The following SLC2A5 variants were observed in gnomAD, a reference collection of about 807,000 sequenced individuals.
The protein encoded by SLC2A5 is solute carrier family 2, facilitated glucose transporter member 5.
In SLC2A5, 56 loss-of-function variants were observed where a neutral mutation model predicts 50.3. That is an observed-to-expected ratio of 1.11 (90% CI 0.90 to 1.39). The LOEUF is 1.39. Among genes scored for constraint, SLC2A5 ranks in the 40% most tolerant of loss-of-function variants. The pLI is 0.00. For synonymous variants in SLC2A5, 269 were observed against 281.9 expected (o/e 0.95, Z 0.46); for missense variants, 566 against 650.1 (o/e 0.87, Z 1.41).
At chr1:9,039,448 C>T (rs1463890212) in intron 8 of SLC2A5, 104 bp downstream of exon 8, 2 of 783,432 alleles carry the variant, frequency 2.6e-6, no homozygotes, top group Non-Finnish European at 4.0e-6. Context: ...GGCTGGTCCT[C>T]CACGTTTTGG....
At chr1:9,062,754 C>A (rs1023984634) in intron 1 of SLC2A5, among the ~76,000 whole-genome samples, 2 of 151,864 alleles carry the variant, frequency 1.3e-5, no homozygotes, top group Non-Finnish European at 2.9e-5. Context: ...TGCCTGTAGT[C>A]CCAGCTAGTA....
chr1:9,061,784 G>A (rs1209683584), intron 1 of SLC2A5, among the ~76,000 whole-genome samples: 1 of 152,138 alleles, frequency 6.6e-6, no homozygotes, highest in East Asian at 1.9e-4. Context: ...AACAAGCACA[G>A]CCCAGCTGGT....
upstream of SLC2A5, among the ~76,000 whole-genome samples, chr1:9,092,614 G>A (rs1054815471): frequency 1.3e-5 from 2 of 152,100 alleles, no homozygotes; most frequent in African/African-American, 4.8e-5. Context: ...ATTTCTTTTA[G>A]TTCTGGTTGA....
In SLC2A5 at chr1:9,040,255, G is replaced by C; in HGVS notation, c.572-66C>G. 6.6e-7 allele frequency: 1 copy of C among 1,512,792 alleles called. No individual in the cohort carries two copies. 93.7% of individuals were successfully genotyped at this position (1,512,792 alleles called of 1,614,324 possible). ...CCACCCCGAAGGCGCCCTCTGCAGA[G>C]CCGGCCCCAGCCCCGTCATCCTGAG... On this transcript the variant is annotated intron_variant, in intron 5 of 11. Transcript: ENST00000377424. This position sits in a 1 kb window ranked among gnomAD's most constrained non-coding sequence, Gnocchi z 4.3.
At chr1:9,090,412 G>A (rs961881415), upstream of SLC2A5, among the ~76,000 whole-genome samples, 6 of 152,174 alleles carry the variant, frequency 3.9e-5, no homozygotes, top group South Asian at 2.1e-4. Context: ...AATGGATTAC[G>A]GGGACTCAAG....
chr1:9,079,093 C>G (rs2124475900), intron 2 of SLC2A5, among the ~76,000 whole-genome samples: 1 of 152,268 alleles, frequency 6.6e-6, no homozygotes. Context: ...GGCATGCCAC[C>G]TGGCCGCCGG....
chr1:9,064,756 C>T (rs1451525176), intron 1 of SLC2A5, among the ~76,000 whole-genome samples: 3 of 152,030 alleles, frequency 2.0e-5, no homozygotes, highest in East Asian at 1.9e-4. Context: ...GCATACTCTA[C>T]AGTCAACAAT....
At chr1:9,056,521 TGGA>T (rs1356665030) in intron 3 of SLC2A5, among the ~76,000 whole-genome samples, 1 of 152,000 alleles carries the variant, frequency 6.6e-6, no homozygotes, top group Non-Finnish European at 1.5e-5. Context: ...CTTGAAATAC[TGGA>T]GGAGGAGTCA....
chr1:9,036,893 G>C lies in SLC2A5; in HGVS notation c.*693C>G, dbSNP rs1395902103. On this transcript the variant is annotated 3_prime_UTR_variant, in exon 12 of 12. Transcript: ENST00000377424. ...AACAAAAAAAACACTGCCTGAATGA[G>C]CAGGGAACTTCCTCCTGCCTTCTAC... 6.6e-6 allele frequency: 1 copy of C among 150,558 alleles called. No individual in the cohort carries two copies. The highest frequency in any genetic ancestry group is 1.5e-5 in the Non-Finnish European group (1 of 67,854). The allele number at this position is 150,558 out of a possible 1,614,324, so 9.3% of individuals were successfully genotyped here.
rs1382615259 is a variant in SLC2A5 at position 9,041,845 on chromosome 1, T to C, written c.511A>G (p.Thr171Ala). ...ATCTGGGCCACAAGGATGCCAACAG[T>C]GATGAAGAGCTGGGGCACCACCCCG... is the stretch of plus-strand genomic sequence containing the variant. ...ALGVVPQLFI[T>A]VGILVAQIFG... Residue 171 changes from threonine to alanine, a missense_variant, in exon 5 of 12, where the codon ACT (threonine) becomes GCT (alanine). Coordinates refer to ENST00000377424, the MANE Select transcript of SLC2A5 (RefSeq NM_003039.3). 1 of 1,613,788 alleles carries C rather than the reference T, an allele frequency of 6.2e-7. No individual in the cohort carries two copies. Among genetic ancestry groups the C allele is most frequent in the African/African-American group, 1.3e-5 (1 of 74,940 alleles).
chr1:9,085,353 C>T (rs1020589467), intron 1 of SLC2A5, among the ~76,000 whole-genome samples: 3 of 151,942 alleles, frequency 2.0e-5, no homozygotes, highest in African/African-American at 4.8e-5. Flanking sequence ...AAAGGCGGGA[C>T]GATTCAAAGG....
At chr1:9,083,247 T>C (rs1489761404) in intron 2 of SLC2A5, among the ~76,000 whole-genome samples, 7 of 152,224 alleles carry the variant, frequency 4.6e-5, no homozygotes, top group Non-Finnish European at 8.8e-5. Flanking sequence ...AGAGTATGCT[T>C]GAAGCAATGC....
At chr1:9,080,601 T>C (rs1189557638) in intron 2 of SLC2A5, among the ~76,000 whole-genome samples, 1 of 152,252 alleles carries the variant, frequency 6.6e-6, no homozygotes, top group Non-Finnish European at 1.5e-5. Flanking sequence ...TTGAGCATCT[T>C]TTCACATTCG....
At chr1:9,078,590 A>C (rs1207725342) in intron 2 of SLC2A5, among the ~76,000 whole-genome samples, 1 of 152,236 alleles carries the variant, frequency 6.6e-6, no homozygotes, top group Non-Finnish European at 1.5e-5. Context: ...CCCAAAAACT[A>C]TTGAAAAACA....
chr1:9,055,283 C>T (rs910750481), intron 3 of SLC2A5, among the ~76,000 whole-genome samples: 1 of 151,982 alleles, frequency 6.6e-6, no homozygotes, highest in African/African-American at 2.4e-5. Flanking sequence ...TTTGGGAGGC[C>T]AAGGCGGGTG....
chr1:9,048,803 G>A (rs921443260), intron 3 of SLC2A5, among the ~76,000 whole-genome samples: 2 of 151,774 alleles, frequency 1.3e-5, no homozygotes, highest in Non-Finnish European at 2.9e-5. Context: ...TTACAGGCAC[G>A]TGCCCCCACA....
intron 2 of SLC2A5, among the ~76,000 whole-genome samples, chr1:9,079,630 C>T (rs1298228892): frequency 6.6e-6 from 1 of 152,148 alleles, no homozygotes; most frequent in Non-Finnish European, 1.5e-5. Context: ...GGATTACAGA[C>T]GTGAGCCACC....
intron 4 of SLC2A5, 56 bp from the exon 5 acceptor site, chr1:9,041,993 G>A (rs919357159): frequency 1.3e-6 from 2 of 1,500,328 alleles, no homozygotes; most frequent in South Asian, 1.4e-5. Context: ...GCAGGGACAA[G>A]CTGTCTTCAA....
In SLC2A5 at chr1:9,035,371, G is replaced by C. The variant is rs1212808769; in HGVS notation, c.*2215C>G. On this transcript the variant is annotated 3_prime_UTR_variant, in exon 12 of 12. Coordinates refer to ENST00000377424, the MANE Select transcript of SLC2A5 (RefSeq NM_003039.3). The stretch of plus-strand genomic sequence containing the variant: ...AGAGCCTTCATCTTTGGTTGTTTCT[G>C]TGCCCCTTCCAGGCTGCAGATCCTT... 2.0e-5 allele frequency: 3 copies of C among 152,280 alleles called. No individual in the cohort carries two copies. The highest frequency in any genetic ancestry group is 6.5e-5 in the Admixed American group (1 of 15,286). The allele number at this position is 152,280 out of a possible 1,614,324, so 9.4% of individuals were successfully genotyped here.
Sources: allele counts gnomAD v4.1 joint callset (sites outside exome capture counted in the v4.1 genomes callset), GRCh38; gene constraint gnomAD v4.1.1; non-coding constraint Gnocchi (gnomAD v3.1); transcripts MANE v1.5; gene names NCBI Gene and HGNC (gene_info 2026-07-23, HGNC 2026-07-21).